Variants in SOX6 observed in about 807,000 individuals in gnomAD.
The protein encoded by SOX6 is SRY-box transcription factor 6, also known as transcription factor SOX-6.
A neutral mutation model predicts 97.8 loss-of-function variants in SOX6; 11 were observed. That is an observed-to-expected ratio of 0.11 (90% CI 0.07 to 0.19). The LOEUF is 0.19. SOX6 is among the 10% of genes least tolerant of loss of function. The pLI is 1.00. For missense variants in SOX6, 810 were observed against 1,039.5 expected (o/e 0.78, Z 3.04); for synonymous variants, 360 against 371.4 (o/e 0.97, Z 0.35).
chr11:16,455,758 T>A (rs1452321302), intron 1 of SOX6, among the ~76,000 whole-genome samples: 1 of 152,028 alleles, frequency 6.6e-6, no homozygotes, highest in Non-Finnish European at 1.5e-5. Flanking sequence ...TACATTTATT[T>A]CCCCCATGAA....
chr11:16,600,853 A>G (rs1460853435), intron 4 of SOX6, among the ~76,000 whole-genome samples: 2 of 152,206 alleles, frequency 1.3e-5, no homozygotes, highest in African/African-American at 4.8e-5. Flanking sequence ...TTCGGATCAC[A>G]TTTGAAAAAC....
chr11:16,476,075 TA>T (rs1399417737), intron 1 of SOX6, among the ~76,000 whole-genome samples: 1 of 152,164 alleles, frequency 6.6e-6, no homozygotes, highest in Admixed American at 6.5e-5. Flanking sequence ...TCTTTAAACT[TA>T]TTATAATGGG....
chr11:16,020,608 T>G (rs1219704743), intron 12 of SOX6, among the ~76,000 whole-genome samples: 1 of 152,134 alleles, frequency 6.6e-6, no homozygotes, highest in East Asian at 1.9e-4. Context: ...ACGATCATCC[T>G]TCCTTCTCGT....
chr11:16,048,125 C>A (rs964942225), intron 11 of SOX6, among the ~76,000 whole-genome samples: 7 of 152,136 alleles, frequency 4.6e-5, no homozygotes, highest in African/African-American at 1.4e-4. Context: ...GCTTTCCAAA[C>A]AATTTCAGAG....
At chr11:16,006,886 G>T (rs1854570618) in intron 13 of SOX6, among the ~76,000 whole-genome samples, 1 of 151,996 alleles carries the variant, frequency 6.6e-6, no homozygotes, top group Admixed American at 6.6e-5. Context: ...TTGAACATAT[G>T]GGTAAAACTG....
At chr11:16,134,764 C>T (rs1849916008) in intron 6 of SOX6, among the ~76,000 whole-genome samples, 1 of 152,302 alleles carries the variant, frequency 6.6e-6, no homozygotes, top group African/African-American at 2.4e-5. Flanking sequence ...ACCAGCTGTT[C>T]CCCTGTCTCT....
intron 6 of SOX6, among the ~76,000 whole-genome samples, chr11:16,148,741 C>T (rs537367055): frequency 5.7e-4 from 87 of 152,148 alleles, no homozygotes; most frequent in Admixed American, 9.8e-4. Context: ...GGCATTCCCT[C>T]GTGTAGGCTG....
chr11:16,388,659 G>T (rs1369330013), intron 1 of SOX6, among the ~76,000 whole-genome samples: 2 of 151,996 alleles, frequency 1.3e-5, no homozygotes, highest in Non-Finnish European at 2.9e-5. Context: ...TTGGCATACA[G>T]ATATTCACAA....
At chr11:16,433,741 G>A (rs965638073) in intron 1 of SOX6, among the ~76,000 whole-genome samples, 1 of 152,040 alleles carries the variant, frequency 6.6e-6, no homozygotes, top group Admixed American at 6.6e-5. Context: ...CTTGGACTGA[G>A]CATCAAATAA....
At chr11:16,688,593 G>GT (rs2134034389) in intron 3 of SOX6, among the ~76,000 whole-genome samples, 1 of 152,166 alleles carries the variant, frequency 6.6e-6, no homozygotes, top group South Asian at 2.1e-4. Flanking sequence ...TCTCATTGTA[G>GT]TTTTCATCTC....
intron 1 of SOX6, among the ~76,000 whole-genome samples, chr11:16,449,277 C>CTTTTTTTTTTTTTT (rs10611823): frequency 3.2e-5 from 2 of 62,906 alleles, no homozygotes; most frequent in African/African-American, 1.4e-4. Context: ...AATGCTCCTT[C>CTTTTTTTTTTTTTT]TTTTTTTTTT....
At chr11:16,074,144 A>G (rs756624837) in intron 9 of SOX6, among the ~76,000 whole-genome samples, 1 of 152,174 alleles carries the variant, frequency 6.6e-6, no homozygotes, top group Non-Finnish European at 1.5e-5. Context: ...ACCATACAAA[A>G]AATCAACAAA....
At chr11:16,146,836 TAAA>T (rs1239340510) in intron 6 of SOX6, among the ~76,000 whole-genome samples, 2 of 152,092 alleles carry the variant, frequency 1.3e-5, no homozygotes, top group Non-Finnish European at 2.9e-5. Context: ...CGGTGATCAT[TAAA>T]AAGTCAGGAA....
At chr11:16,376,605 T>C (rs990014425) in intron 1 of SOX6, among the ~76,000 whole-genome samples, 9 of 152,022 alleles carry the variant, frequency 5.9e-5, no homozygotes, top group African/African-American at 2.2e-4. Context: ...GCAAATTGAG[T>C]TTTAAAATCA....
chr11:16,702,148 G>A (rs1054186454), intron 3 of SOX6, among the ~76,000 whole-genome samples: 22 of 152,214 alleles, frequency 1.4e-4, no homozygotes, highest in African/African-American at 4.6e-4. Context: ...ATCTCTGGCT[G>A]GGAAATCACT....
At chr11:16,502,648 A>G (rs1468660640) in intron 4 of SOX6, among the ~76,000 whole-genome samples, 1 of 152,122 alleles carries the variant, frequency 6.6e-6, no homozygotes, top group Non-Finnish European at 1.5e-5. Context: ...GGTCTTTTGA[A>G]ATAACCAAGT....
intron 1 of SOX6, among the ~76,000 whole-genome samples, chr11:16,365,628 T>C (rs1462882878): frequency 6.6e-6 from 1 of 152,144 alleles, no homozygotes; most frequent in Non-Finnish European, 1.5e-5. Flanking sequence ...TCAAATCCAA[T>C]GCACTGAGGC....
chr11:16,349,481 C>T (rs911041408), intron 1 of SOX6, among the ~76,000 whole-genome samples: 1 of 151,614 alleles, frequency 6.6e-6, no homozygotes, highest in Non-Finnish European at 1.5e-5. Flanking sequence ...CCACCCATGG[C>T]GGTGCGCGCC....
intron 11 of SOX6, 66 bp downstream of exon 11, chr11:16,049,689 C>A: frequency 6.3e-7 from 1 of 1,587,532 alleles, no homozygotes; most frequent in Non-Finnish European, 8.6e-7. Flanking sequence ...TCAGTCGTAA[C>A]TAAACAGGTT....
Sources: gnomAD v4.1 joint callset for allele counts (sites outside exome capture counted in the v4.1 genomes callset) on GRCh38, gnomAD v4.1.1 for gene constraint, MANE v1.5 for transcripts, NCBI Gene and HGNC (gene_info 2026-07-23, HGNC 2026-07-21) for gene names.